IL1RAPL2: variants seen among roughly 807,000 people sequenced by gnomAD.
IL1RAPL2 encodes interleukin 1 receptor accessory protein like 2, also known as X-linked interleukin-1 receptor accessory protein-like 2.
A neutral mutation model predicts 44.1 loss-of-function variants in IL1RAPL2; 3 were observed. The observed-to-expected ratio is 0.07, with a 90% CI of 0.03 to 0.18. IL1RAPL2 has a LOEUF of 0.18. IL1RAPL2 is among the 10% of genes least tolerant of loss of function. The pLI is 1.00. For missense variants in IL1RAPL2, 391 were observed against 496.4 expected (o/e 0.79, Z 2.02); for synonymous variants, 181 against 178.8 (o/e 1.01, Z -0.10).
intron 2 of IL1RAPL2, among the ~76,000 whole-genome samples, chrX:104,734,289 C>T (rs998415962): frequency 1.5e-4 from 17 of 112,136 alleles, no homozygotes; most frequent in African/African-American, 2.6e-4. Context: ...TGAGCAATTG[C>T]GCTTTTGGGC....
chrX:105,681,662 GC>G (rs1385735272), intron 6 of IL1RAPL2, among the ~76,000 whole-genome samples: 2 of 111,291 alleles, frequency 1.8e-5, no homozygotes, highest in African/African-American at 6.5e-5. Flanking sequence ...AGAGGCTGAG[GC>G]CGGATAATTG....
chrX:104,968,521 TA>T (rs1399316577), intron 2 of IL1RAPL2, among the ~76,000 whole-genome samples: 1 of 111,480 alleles, frequency 9.0e-6, no homozygotes. Context: ...CTCAACAGTG[TA>T]CCAGAGGTCC....
At chrX:105,017,602 C>G (rs1247539913) in intron 2 of IL1RAPL2, among the ~76,000 whole-genome samples, 1 of 110,353 alleles carries the variant, frequency 9.1e-6, no homozygotes, top group Non-Finnish European at 1.9e-5. Flanking sequence ...GACCCAAAAC[C>G]TTTCAGTGTA....
At chrX:104,662,222 G>A (rs1010070079) in intron 2 of IL1RAPL2, among the ~76,000 whole-genome samples, 1 of 112,244 alleles carries the variant, frequency 8.9e-6, no homozygotes, top group African/African-American at 3.2e-5. Context: ...TGATAGCACA[G>A]GCTATGTTTC....
chrX:104,671,354 G>C (rs1930599303), intron 2 of IL1RAPL2, among the ~76,000 whole-genome samples: 1 of 111,339 alleles, frequency 9.0e-6, no homozygotes, highest in Non-Finnish European at 1.9e-5. Flanking sequence ...CATATTCCCA[G>C]CTCTGAGCAT....
At chrX:104,694,069 GA>G (rs1406388877) in intron 2 of IL1RAPL2, among the ~76,000 whole-genome samples, 1 of 111,899 alleles carries the variant, frequency 8.9e-6, no homozygotes, top group Non-Finnish European at 1.9e-5. Flanking sequence ...CAGCTCTGTG[GA>G]AAACATGGCA....
At chrX:104,620,639 C>CAAAAAAAAA (rs771769782) in intron 1 of IL1RAPL2, among the ~76,000 whole-genome samples, 5 of 14,591 alleles carry the variant, frequency 3.4e-4, no homozygotes, top group African/African-American at 5.7e-4. Flanking sequence ...GAGTCTGTCT[C>CAAAAAAAAA]AAAAAAAAAA....
intron 2 of IL1RAPL2, among the ~76,000 whole-genome samples, chrX:105,123,461 C>G (rs1316552758): frequency 9.1e-6 from 1 of 110,428 alleles, no homozygotes; most frequent in South Asian, 3.8e-4. Context: ...AGTCATGATA[C>G]GAATATCAGC....
At chrX:104,813,832 G>A (rs1402957203) in intron 2 of IL1RAPL2, among the ~76,000 whole-genome samples, 1 of 111,869 alleles carries the variant, frequency 8.9e-6, no homozygotes, top group Non-Finnish European at 1.9e-5. Flanking sequence ...AACTGCAGCT[G>A]TGTCTTCATG....
At chrX:104,906,287 A>T (rs1328017608) in intron 2 of IL1RAPL2, among the ~76,000 whole-genome samples, 1 of 110,452 alleles carries the variant, frequency 9.1e-6, no homozygotes, top group Non-Finnish European at 1.9e-5. Flanking sequence ...CTAATTGAAT[A>T]CCCTTTATTT....
intron 6 of IL1RAPL2, among the ~76,000 whole-genome samples, chrX:105,525,593 T>C (rs1162853797): frequency 3.6e-5 from 4 of 111,607 alleles, no homozygotes; most frequent in African/African-American, 1.3e-4. Context: ...TTTTCTTTTG[T>C]AATCACAGTA....
chrX:105,487,699 A>G (rs766976433), intron 6 of IL1RAPL2, among the ~76,000 whole-genome samples: 1 of 112,304 alleles, frequency 8.9e-6, no homozygotes, highest in Non-Finnish European at 1.9e-5. Flanking sequence ...TCACAATTGG[A>G]AATCCTTTTG....
intron 5 of IL1RAPL2, among the ~76,000 whole-genome samples, chrX:105,363,106 G>A (rs55909555): frequency 0.13 from 13,273 of 105,678 alleles, 2,100 homozygotes; most frequent in African/African-American, 0.43. Flanking sequence ...ATGAGTGAGG[G>A]CATGCAGTAT....
At chrX:105,112,415 T>C (rs1205664474) in intron 2 of IL1RAPL2, among the ~76,000 whole-genome samples, 3 of 112,372 alleles carry the variant, frequency 2.7e-5, no homozygotes, top group Non-Finnish European at 5.6e-5. Context: ...TTTAACTCAA[T>C]TTTGACTGAC....
chrX:105,278,153 G>A (rs1321241108), intron 5 of IL1RAPL2, among the ~76,000 whole-genome samples: 1 of 111,788 alleles, frequency 8.9e-6, no homozygotes, highest in Non-Finnish European at 1.9e-5. Context: ...TCATTCCTGT[G>A]GGCTTATTTT....
chrX:104,627,147 A>G (rs371224952), intron 1 of IL1RAPL2, among the ~76,000 whole-genome samples: 1 of 109,658 alleles, frequency 9.1e-6, no homozygotes, highest in East Asian at 2.9e-4. Context: ...TCGAGAACTG[A>G]TTTTAATTTT....
intron 3 of IL1RAPL2, 71 bp downstream of exon 3, chrX:105,195,819 A>C (rs190422804): frequency 1.0e-6 from 1 of 1,001,797 alleles, no homozygotes; most frequent in African/African-American, 1.9e-5. Context: ...GAGTACATGT[A>C]GGTATGCCTC....
chrX:104,921,174 C>T (rs1259724188), intron 2 of IL1RAPL2, among the ~76,000 whole-genome samples: 1 of 111,584 alleles, frequency 9.0e-6, no homozygotes, highest in East Asian at 2.8e-4. Context: ...TTGCTTGAAC[C>T]CTAGTAGAGC....
At chrX:105,435,448 A>G (rs780094329) in intron 5 of IL1RAPL2, among the ~76,000 whole-genome samples, 1 of 111,719 alleles carries the variant, frequency 9.0e-6, no homozygotes, top group Non-Finnish European at 1.9e-5. Context: ...TTGGTGGGAA[A>G]GTAAATTAGT....
Sources: gnomAD v4.1 joint callset for allele counts (sites outside exome capture counted in the v4.1 genomes callset) on GRCh38, gnomAD v4.1.1 for gene constraint, MANE v1.5 for transcripts, NCBI Gene and HGNC (gene_info 2026-07-23, HGNC 2026-07-21) for gene names.